Variants in PKHD1L1 observed in about 807,000 individuals in gnomAD.
PKHD1L1 encodes fibrocystin-L.
PKHD1L1 carries 434 observed loss-of-function variants against 462.9 expected under a neutral mutation model. The observed-to-expected ratio is 0.94, with a 90% CI of 0.87 to 1.02. PKHD1L1 has a LOEUF of 1.02. Among genes scored for constraint, PKHD1L1 ranks in the 50% least tolerant of loss-of-function variants. PKHD1L1 has a pLI of 0.00. For synonymous variants in PKHD1L1, 1,781 were observed against 1,750.0 expected (o/e 1.02, Z -0.44); for missense variants, 5,202 against 5,096.1 (o/e 1.02, Z -0.63).
Position 109,497,282 on chromosome 8 carries a change from T to G in PKHD1L1, c.10599+10T>G. 1 of 1,611,800 alleles carries G rather than the reference T, an allele frequency of 6.2e-7. No individual in the cohort carries two copies. The highest frequency in any genetic ancestry group is 1.1e-5 in the South Asian group (1 of 90,964). Reference sequence around the variant, plus strand: ...AAATGTACAAATTAAGGTAAGAAATTAATACAGCCACACCATGGAGAAAAA... The same window carrying G: ...AAATGTACAAATTAAGGTAAGAAATGAATACAGCCACACCATGGAGAAAAA... On this transcript the variant is annotated intron_variant, in intron 65 of 77. Coordinates refer to ENST00000378402, the MANE Select transcript of PKHD1L1 (RefSeq NM_177531.6).
chr8:109,396,325 C>G (rs1038617042), intron 11 of PKHD1L1, among the ~76,000 whole-genome samples, 188 bp downstream of exon 11: 1 of 152,146 alleles, frequency 6.6e-6, no homozygotes, highest in African/African-American at 2.4e-5. Context: ...AAGGGTCACT[C>G]CCTGAAACCT....
intron 13 of PKHD1L1, among the ~76,000 whole-genome samples, chr8:109,401,086 G>C (rs1051885210): frequency 5.3e-5 from 8 of 152,108 alleles, no homozygotes; most frequent in African/African-American, 1.9e-4. Context: ...TCTCACTCTA[G>C]TGTGCAGAAC....
chr8:109,494,936 A>C (rs1171327890), intron 63 of PKHD1L1, among the ~76,000 whole-genome samples: 1 of 151,962 alleles, frequency 6.6e-6, no homozygotes, highest in Admixed American at 6.6e-5. Context: ...TTTCTTTGAG[A>C]AATGTATGTC....
chr8:109,467,912 GAA>G (rs570010057), intron 50 of PKHD1L1, among the ~76,000 whole-genome samples: 166 of 152,176 alleles, frequency 1.1e-3, no homozygotes, highest in African/African-American at 4.0e-3. Flanking sequence ...CGTAAGTATA[GAA>G]AAAGAGTTTA....
Position 109,535,034 on chromosome 8 carries a change from T to C in PKHD1L1, c.*4944T>C, listed in dbSNP as rs920915295. Reference sequence around the variant, plus strand: ...CAATGATTGGGTAGCATGATGAAACTTTTCCTATCCTGCTTTTTGAGATTA... The same window carrying C: ...CAATGATTGGGTAGCATGATGAAACCTTTCCTATCCTGCTTTTTGAGATTA... On this transcript the variant is annotated 3_prime_UTR_variant, in exon 78 of 78. Transcript: ENST00000378402. 3.9e-5 allele frequency among the ~76,000 whole-genome samples: 6 copies of C among 152,178 alleles called. No individual in the cohort carries two copies. In the East Asian group the frequency reaches 5.8e-4, roughly 15 times the overall value.
At chr8:109,388,589 G>T (rs1812552458) in intron 7 of PKHD1L1, 39 bp downstream of exon 7, 1 of 1,313,114 alleles carries the variant, frequency 7.6e-7, no homozygotes, top group South Asian at 1.3e-5. Context: ...AAAACAAATA[G>T]CAGATATAAG....
intron 67 of PKHD1L1, among the ~76,000 whole-genome samples, chr8:109,500,730 T>C (rs2130952233): frequency 7.0e-6 from 1 of 143,700 alleles, no homozygotes; most frequent in African/African-American, 2.6e-5. Context: ...TATGAAGCCA[T>C]GACTTCTGTA....
rs747975032 is a variant in PKHD1L1, at chr8:109,427,082, C to G, written c.2926C>G (p.Arg976Gly). Residue 976 changes from arginine (R) to glycine (G), a missense_variant, in exon 25 of 78, where the codon CGA (arginine) becomes GGA (glycine). Physicochemically the swap from Arg to Gly is moderately radical, Grantham distance 125 (BLOSUM62 -2). This residue lies in a region of PKHD1L1 where 4,497 missense variants were observed against 4,336.8 expected (regional missense o/e 1.04). Coordinates refer to ENST00000378402, the MANE Select transcript of PKHD1L1 (RefSeq NM_177531.6). Reference sequence around the variant, plus strand: ...GGGAATGGGAAGAATCTCAGTTACACGAGAGGGAACCTGTGCTGGCTACGC... The same window carrying G: ...GGGAATGGGAAGAATCTCAGTTACAGGAGAGGGAACCTGTGCTGGCTACGC... ...LEGMGRISVT[R>G]EGTCAGYAWN... The G allele has an allele frequency of 8.7e-6, 14 of 1,613,950 alleles. No individual in the cohort carries two copies. The South Asian group carries it at 1.1e-4, about 13-fold the overall frequency.
chr8:109,389,180 T>C (rs771931641), intron 8 of PKHD1L1, 28 bp downstream of exon 8: 1 of 1,524,580 alleles, frequency 6.6e-7, no homozygotes, highest in Non-Finnish European at 9.1e-7. Context: ...TTCTTCATAA[T>C]GCTCACAGAT....
intron 14 of PKHD1L1, among the ~76,000 whole-genome samples, chr8:109,404,142 A>C (rs566895360): frequency 6.6e-6 from 1 of 152,304 alleles, no homozygotes; most frequent in South Asian, 2.1e-4. Context: ...GACAAATATA[A>C]CTACTCAGAT....
Position 109,381,397 on chromosome 8 carries a change from A to G in PKHD1L1, c.191A>G (p.Tyr64Cys). Residue 64 changes from tyrosine (Y) to cysteine (C), a missense_variant, in exon 3 of 78, where the codon TAT becomes TGT. By Grantham distance (194) the Tyr-to-Cys change is radical (BLOSUM62 -2). Transcript: ENST00000378402. ...TTTTCTCAAGCAAACCAGTTTAACT[A>G]TGGAGTTGATAACGCTGAGTTGGGA... ...EGFSQANQFN[Y>C]GVDNAELGNS... 2 of 1,579,250 alleles carry G rather than the reference A, an allele frequency of 1.3e-6. No individual in the cohort carries two copies. Among genetic ancestry groups the G allele is most frequent in the South Asian group, 2.3e-5 (2 of 86,462 alleles).
chr8:109,386,471 T>C lies in PKHD1L1; in HGVS notation c.569+841T>C, dbSNP rs138335879. On this transcript the variant is annotated intron_variant, in intron 6 of 77. Coordinates refer to ENST00000378402, the MANE Select transcript of PKHD1L1 (RefSeq NM_177531.6). ...TTTTTTGAATGCTGTAAAGGTGAGGTATATATACACACACATACAAATACA... is the reference window on the plus strand; with the variant it reads ...TTTTTTGAATGCTGTAAAGGTGAGGCATATATACACACACATACAAATACA... Among the ~76,000 whole-genome samples the C allele has an allele frequency of 6.5e-3, 986 of 152,254 alleles. 7 individuals carry two copies. Among genetic ancestry groups the C allele is most frequent in the Middle Eastern group, 0.051 (15 of 294 alleles).
rs554801984 is a variant in PKHD1L1, at chr8:109,428,216, A to C, written c.3000+1060A>C. Among the ~76,000 whole-genome samples, 14 of 152,204 alleles carry C rather than the reference A, an allele frequency of 9.2e-5. No homozygotes were observed. The South Asian group carries it at 2.7e-3, about 29-fold the overall frequency. ...TTATATAACTCTATTCTACTGAAAT[A>C]ATAAGATAAATGTGAAATGATATAG... On this transcript the variant is annotated intron_variant, in intron 25 of 77. Coordinates refer to ENST00000378402, the MANE Select transcript of PKHD1L1 (RefSeq NM_177531.6).
chr8:109,387,085 C>T (rs936936870), intron 6 of PKHD1L1, among the ~76,000 whole-genome samples: 3 of 152,108 alleles, frequency 2.0e-5, no homozygotes, highest in Non-Finnish European at 4.4e-5. Flanking sequence ...GATACCAGGG[C>T]TCCCAAGGCA....
Position 109,459,604 on chromosome 8 carries a change from A to G in PKHD1L1, c.7014A>G (p.Gln2338=), listed in dbSNP as rs1817003009. The change falls in exon 47 of 78, where the codon CAA becomes CAG. Residue 2338 remains glutamine (Q), a synonymous_variant. Coordinates refer to ENST00000378402, the MANE Select transcript of PKHD1L1 (RefSeq NM_177531.6). ...GTCAAAATTTTTACAGACACAGTCA[A>G]GGAGAGAATGAAAAAATGACCATTG... ...VIASTGHRHS[Q]GENEKMTIAS... The G allele has an allele frequency of 1.3e-6, 2 of 1,558,888 alleles. No individual in the cohort carries two copies. Among genetic ancestry groups the G allele is most frequent in the East Asian group, 2.4e-5 (1 of 42,210 alleles).
intron 46 of PKHD1L1, among the ~76,000 whole-genome samples, chr8:109,458,398 A>C (rs142791132): frequency 7.8e-6 from 1 of 128,458 alleles, no homozygotes; most frequent in Non-Finnish European, 1.7e-5. Flanking sequence ...ATTCTGCATT[A>C]ATTTGTTCAA....
In PKHD1L1 at chr8:109,388,526, T is replaced by C. The variant is rs1274732761; in HGVS notation, c.599T>C (p.Leu200Pro). Residue 200 changes from leucine (L) to proline (P), a missense_variant, in exon 7 of 78, where the codon CTT (leucine) becomes CCT (proline). Transcript: ENST00000378402. Reference protein sequence around the residue: ...RVYIGGMPCELLIPQSDNLYG... With the variant: ...RVYIGGMPCEPLIPQSDNLYG... The stretch of plus-strand genomic sequence containing the variant: ...TACATTGGAGGAATGCCCTGTGAGC[T>C]TCTCATACCACAATCTGATAATTTG... 2 of 1,519,388 alleles carry C rather than the reference T, an allele frequency of 1.3e-6. No individual in the cohort carries two copies. Among genetic ancestry groups the C allele is most frequent in the Admixed American group, 4.0e-5 (2 of 50,362 alleles). The allele number at this position is 1,519,388 out of a possible 1,614,324, so 94.1% of individuals were successfully genotyped here.
chr8:109,411,386 T>C (rs1703186797), intron 19 of PKHD1L1, among the ~76,000 whole-genome samples: 2 of 152,194 alleles, frequency 1.3e-5, no homozygotes, highest in Non-Finnish European at 2.9e-5. Flanking sequence ...ATATAAATCC[T>C]TAAAAATATC....
At chr8:109,387,176 G>A (rs1460568034) in intron 6 of PKHD1L1, among the ~76,000 whole-genome samples, 6 of 152,128 alleles carry the variant, frequency 3.9e-5, no homozygotes, top group Non-Finnish European at 7.4e-5. Flanking sequence ...CAGGAGACCT[G>A]CTTCTCACAA....
Sources: gnomAD v4.1 joint callset for allele counts (sites outside exome capture counted in the v4.1 genomes callset) on GRCh38, gnomAD v4.1.1 for gene constraint, gnomAD v4.1.1 regional missense constraint, MANE v1.5 for transcripts, NCBI Gene and HGNC (gene_info 2026-07-23, HGNC 2026-07-21) for gene names.